LYST: variants seen among roughly 807,000 people sequenced by gnomAD.
The protein encoded by LYST is lysosomal-trafficking regulator.
LYST carries 192 observed loss-of-function variants against 413.6 expected under a neutral mutation model. The observed-to-expected ratio is 0.46, with a 90% confidence interval of 0.41 to 0.52. LYST has a LOEUF of 0.52. Among genes scored for constraint, LYST ranks in the 20% least tolerant of loss-of-function variants. The pLI is 0.00. For synonymous variants in LYST, 1,525 were observed against 1,567.3 expected, an observed-to-expected ratio of 0.97 and a Z score of 0.64; for missense variants, 3,815 against 4,499.9, an observed-to-expected ratio of 0.85 and a Z score of 4.35.
rs1558261064 is a variant in LYST at position 235,798,576 on chromosome 1, C to CTTAAAAAA, written c.4006+1743_4006+1744insTTTTTTAA. On this transcript the variant is annotated intron_variant, in intron 10 of 52. Coordinates refer to ENST00000389793, the MANE Select transcript of LYST (RefSeq NM_000081.4). Reference sequence around the variant, plus strand: ...CTTGGCGACAAGGGCAAAACCCTGTCATAAAAAAAAAAAAAAAAAAAAAAA... The same window carrying CTTAAAAAA: ...CTTGGCGACAAGGGCAAAACCCTGTCTTAAAAAAATAAAAAAAAAAAAAAAAAAAAAAA... Among the ~76,000 whole-genome samples, 7 of 24,544 alleles carry CTTAAAAAA rather than the reference C, an allele frequency of 2.9e-4. 1 individual carries two copies. The highest frequency in any genetic ancestry group is 1.5e-3 in the Admixed American group (2 of 1,314). 16.1% of individuals were successfully genotyped at this position (24,544 alleles called of 152,430 possible).
At position 235,733,877 on chromosome 1, in the gene LYST, T is replaced by A. The variant is rs1332240863; in HGVS notation, c.8565A>T (p.Gly2855=). 1.3e-6 allele frequency: 2 copies of A among 1,595,926 alleles called. No homozygotes were observed. Among genetic ancestry groups the A allele is most frequent in the Non-Finnish European group, 1.7e-6 (2 of 1,163,850 alleles). The stretch of plus-strand genomic sequence containing the variant: ...TTTTCTGCCAAGCAGCTTTATTCAC[T>A]CCTTCTTCAGTTTCATATTTCTTTT... ...EEQKKYETEE[G]VNKAAWQKTV... is the part of the protein sequence containing the mutation. Residue 2855 remains glycine, a synonymous_variant, in exon 33 of 53, where the codon GGA becomes GGT. Coordinates refer to ENST00000389793, the MANE Select transcript of LYST (RefSeq NM_000081.4).
Position 235,805,745 on chromosome 1 carries a change from G to C in LYST, c.3391C>G (p.Gln1131Glu). Reference sequence around the variant, plus strand: ...TTGGACTAAGGACAAGGTATTACCTGATTAGGTAACTCCAATTCCATCTTC... The same window carrying C: ...TTGGACTAAGGACAAGGTATTACCTCATTAGGTAACTCCAATTCCATCTTC... ...QQKMELELPN[Q>E]NLSVESILFE... is the part of the protein sequence containing the mutation. The change falls in exon 6 of 53, where the codon CAG becomes GAG. Residue 1131 changes from glutamine (Q) to glutamate (E), a missense_variant and splice_region_variant. By Grantham distance (29) the Gln-to-Glu change is conservative. Coordinates refer to ENST00000389793, the MANE Select transcript of LYST (RefSeq NM_000081.4). The C allele has an allele frequency of 6.2e-7, 1 of 1,606,108 alleles. No homozygotes were observed. The highest frequency in any genetic ancestry group is 8.5e-7 in the Non-Finnish European group (1 of 1,173,470).
chr1:235,854,577 G>A lies in LYST; in HGVS notation c.-98+12266C>T, dbSNP rs189864115. The stretch of plus-strand genomic sequence containing the variant: ...TGCTGCTCTATGACCTTGGGTACTC[G>A]ACTTCCTCTTTCTAAGCCTCAGTTT... On this transcript the variant is annotated intron_variant, in intron 1 of 52. Coordinates refer to ENST00000389793, the MANE Select transcript of LYST (RefSeq NM_000081.4). The surrounding 1 kb of genome is among the most constrained non-coding windows in gnomAD (Gnocchi z 4.1). Among the ~76,000 whole-genome samples, 47 of 152,150 alleles carry A rather than the reference G, an allele frequency of 3.1e-4. No homozygotes were observed. The highest frequency in any genetic ancestry group is 3.1e-3 in the East Asian group (16 of 5,184).
chr1:235,859,502 C>CTTT (rs34646468), intron 1 of LYST, among the ~76,000 whole-genome samples: 3 of 144,564 alleles, frequency 2.1e-5, no homozygotes, highest in African/African-American at 5.2e-5. Context: ...AGCACCAGGC[C>CTTT]TTTTTTTTTT....
chr1:235,770,043 AGAT>A (rs1668513400), intron 20 of LYST, 114 bp downstream of exon 20: 1 of 870,608 alleles, frequency 1.1e-6, no homozygotes, highest in South Asian at 1.5e-5. Flanking sequence ...TCTGGAGAGA[AGAT>A]GGAAAAAAAA....
intron 48 of LYST, among the ~76,000 whole-genome samples, chr1:235,683,142 AT>A (rs1350299201): frequency 1.3e-5 from 2 of 152,214 alleles, no homozygotes; most frequent in African/African-American, 4.8e-5. Context: ...GTATTTGATA[AT>A]TTTTTAATAA....
At chr1:235,734,372 A>AAGTTTCATC (rs1269029152) in intron 32 of LYST, 111 bp downstream of exon 32, 70 of 886,936 alleles carry the variant, frequency 7.9e-5, no homozygotes, top group Non-Finnish European at 1.2e-4. Flanking sequence ...AAAATAAAAT[A>AAGTTTCATC]ATCATTTCAA....
chr1:235,745,621 A>T (rs901013757), intron 29 of LYST, among the ~76,000 whole-genome samples: 3 of 152,200 alleles, frequency 2.0e-5, no homozygotes, highest in African/African-American at 7.2e-5. Flanking sequence ...CTGCACATAA[A>T]TGCTTACAGA....
chr1:235,823,711 G>A (rs200797071), intron 3 of LYST, among the ~76,000 whole-genome samples: 13 of 152,264 alleles, frequency 8.5e-5, no homozygotes, highest in South Asian at 8.3e-4. Flanking sequence ...TCTAGCCCCC[G>A]TGTTTTTTCA....
intron 45 of LYST, among the ~76,000 whole-genome samples, 175 bp from the exon 46 acceptor site, chr1:235,697,447 T>C (rs143820398): frequency 5.1e-4 from 78 of 152,310 alleles, no homozygotes; most frequent in African/African-American, 1.7e-3. Context: ...TATAGAAATA[T>C]TTGTCCCTTA....
intron 15 of LYST, 65 bp downstream of exon 15, chr1:235,781,862 A>T: frequency 8.8e-7 from 1 of 1,135,868 alleles, no homozygotes; most frequent in Non-Finnish European, 1.3e-6. Context: ...GAAATGTTTC[A>T]AAGGAAAAAA....
Position 235,804,504 on chromosome 1 carries a change from C to T in LYST, c.3555G>A (p.Lys1185=). 6.2e-7 allele frequency: 1 copy of T among 1,612,586 alleles called. No individual in the cohort carries two copies. Among genetic ancestry groups the T allele is most frequent in the Non-Finnish European group, 8.5e-7 (1 of 1,178,604 alleles). Reference sequence around the variant, plus strand: ...CACAACTATATGTTGTTATTCATACCTTCTCAGTCATAGCATCATTATGTT... The same window carrying T: ...CACAACTATATGTTGTTATTCATACTTTCTCAGTCATAGCATCATTATGTT... ...DFEHNDAMTE[K]SHQSAEELSS... Residue 1185 remains lysine, a splice_region_variant and synonymous_variant, in exon 7 of 53, where the codon AAG becomes AAA. Transcript: ENST00000389793.
At chr1:235,805,069 C>A (rs1442667405) in intron 6 of LYST, among the ~76,000 whole-genome samples, 1 of 152,136 alleles carries the variant, frequency 6.6e-6, no homozygotes, top group African/African-American at 2.4e-5. Context: ...TAGGAAGAGC[C>A]TGTTGGCTGA....
intron 50 of LYST, among the ~76,000 whole-genome samples, chr1:235,665,608 A>G (rs1008064927): frequency 1.9e-5 from 2 of 103,704 alleles, no homozygotes; most frequent in Non-Finnish European, 4.1e-5. Context: ...CAGAGACTCT[A>G]TCTCAAAAAA....
At chr1:235,808,429 C>T (rs2102877418) in intron 5 of LYST, 26 bp downstream of exon 5, 2 of 1,607,946 alleles carry the variant, frequency 1.2e-6, no homozygotes, top group Non-Finnish European at 1.7e-6. Context: ...ACCCCCGCCC[C>T]CGCCGCCACC....
intron 19 of LYST, among the ~76,000 whole-genome samples, chr1:235,771,917 G>GTTTTTTTTT (rs1215590592): frequency 5.5e-5 from 4 of 72,728 alleles, no homozygotes; most frequent in Non-Finnish European, 7.7e-5. Context: ...TTTTTAGTTT[G>GTTTTTTTTT]TTTTTTTTTT....
intron 7 of LYST, among the ~76,000 whole-genome samples, chr1:235,803,869 C>T (rs1221287912): frequency 2.6e-5 from 4 of 151,646 alleles, no homozygotes; most frequent in South Asian, 2.1e-4. Context: ...ATGGCTAGAT[C>T]AAGGAGCTAA....
chr1:235,866,259 A>C (rs1680494703), intron 1 of LYST, among the ~76,000 whole-genome samples: 1 of 152,154 alleles, frequency 6.6e-6, no homozygotes, highest in African/African-American at 2.4e-5. Flanking sequence ...CCCTGGAAAG[A>C]GAGGCTCTCG....
In LYST at chr1:235,854,459, T is replaced by C. The variant is rs79671675; in HGVS notation, c.-98+12384A>G. Among the ~76,000 whole-genome samples, 4,342 of 152,248 alleles carry C rather than the reference T, an allele frequency of 0.029. 211 individuals are homozygous for C. Among genetic ancestry groups the C allele is most frequent in the African/African-American group, 0.099 (4,104 of 41,500 alleles). On this transcript the variant is annotated intron_variant, in intron 1 of 52. Transcript: ENST00000389793. This position sits in a 1 kb window ranked among gnomAD's most constrained non-coding sequence, Gnocchi z 4.1. ...CATTCCTCTTTCAGTAAATGGCCTC[T>C]ACCCAGTGACTGAGGTGAGAAACCA... is the stretch of plus-strand genomic sequence containing the variant.
Sources: allele counts gnomAD v4.1 joint callset (sites outside exome capture counted in the v4.1 genomes callset), GRCh38; gene constraint gnomAD v4.1.1; non-coding constraint Gnocchi (gnomAD v3.1); transcripts MANE v1.5; gene names NCBI Gene and HGNC (gene_info 2026-07-23, HGNC 2026-07-21).